Variants in SMARCE1 observed in about 807,000 individuals in gnomAD.
SMARCE1 encodes the protein SWI/SNF-related matrix-associated actin-dependent regulator of chromatin subfamily E member 1.
Under a neutral mutation model 54.9 loss-of-function variants are expected in SMARCE1, and 13 were observed. That is an observed-to-expected ratio of 0.24 (90% CI 0.15 to 0.38). The LOEUF is 0.38. SMARCE1 is among the 10% of genes least tolerant of loss of function. The pLI, the probability that SMARCE1 is intolerant of heterozygous loss-of-function variation, is 1.00. For synonymous variants in SMARCE1, 151 were observed against 175.3 expected, an observed-to-expected ratio of 0.86 and a Z score of 1.10; for missense variants, 295 against 523.8, an observed-to-expected ratio of 0.56 and a Z score of 4.26.
intron 4 of SMARCE1, among the ~76,000 whole-genome samples, chr17:40,637,920 C>T (rs1567847740): frequency 6.6e-6 from 1 of 152,094 alleles, no homozygotes; most frequent in Admixed American, 6.5e-5. Context: ...GCTCAATTAC[C>T]ATTACACATA....
intron 7 of SMARCE1, chr17:40,632,708 A>G (rs182964323): frequency 4.2e-4 from 89 of 210,330 alleles, no homozygotes; most frequent in Non-Finnish European, 6.9e-4. Flanking sequence ...ATTCTGCCCA[A>G]TGTTTCACTC....
In SMARCE1 at chr17:40,642,703, T is replaced by A; in HGVS notation, c.52-144A>T. On this transcript the variant is annotated intron_variant, in intron 3 of 10. Transcript: ENST00000348513. The surrounding 1 kb of genome is among the most constrained non-coding windows in gnomAD (Gnocchi z 4.6). ...TGATGTGTTGTAATTGTTCTTTTTT[T>A]CCACTGAGGAAATTAAATATTTTTC... 1 of 585,938 alleles carries A rather than the reference T, an allele frequency of 1.7e-6. No homozygotes were observed. The highest frequency in any genetic ancestry group is 3.0e-6 in the Non-Finnish European group (1 of 332,596). The allele number at this position is 585,938 out of a possible 1,614,324, so 36.3% of individuals were successfully genotyped here. A position where few individuals can be genotyped will look rare whatever the true frequency, so the allele number is the denominator to read the frequency against.
At chr17:40,640,376 A>G (rs1261952259) in intron 4 of SMARCE1, among the ~76,000 whole-genome samples, 1 of 152,208 alleles carries the variant, frequency 6.6e-6, no homozygotes, top group Non-Finnish European at 1.5e-5. Flanking sequence ...CATGCTATAC[A>G]AAGTATTTAC....
At chr17:40,646,374 T>C (rs955661195) in intron 1 of SMARCE1, among the ~76,000 whole-genome samples, 5 of 152,236 alleles carry the variant, frequency 3.3e-5, no homozygotes, top group Admixed American at 1.3e-4. Flanking sequence ...GCTTCATAAA[T>C]GCTGGGAATA....
At chr17:40,631,927 A>C (rs2037099145) in intron 8 of SMARCE1, 3 of 550,248 alleles carry the variant, frequency 5.5e-6, no homozygotes, top group Non-Finnish European at 9.6e-6. Flanking sequence ...GCATAGCAGT[A>C]AAGATTGATA....
chr17:40,629,907 G>T, intron 10 of SMARCE1: 1 of 350,582 alleles, frequency 2.9e-6, no homozygotes, highest in Non-Finnish European at 5.1e-6. Context: ...TAATCTGCTG[G>T]ATTAAATTTT....
Position 40,628,655 on chromosome 17 carries a change from G to T in SMARCE1, c.*130C>A. ...GCCATTAGGCTCATGATGCTAAATG[G>T]TCCAAAAGCCTTTGGTGGTGTGATA... On this transcript the variant is annotated 3_prime_UTR_variant, in exon 11 of 11. Transcript: ENST00000348513. 2 of 674,380 alleles carry T rather than the reference G, an allele frequency of 3.0e-6. No individual in the cohort carries two copies. The highest frequency in any genetic ancestry group is 2.5e-5 in the Admixed American group (1 of 39,714). 41.8% of individuals were successfully genotyped at this position (674,380 alleles called of 1,614,324 possible).
chr17:40,642,476 C>T lies in SMARCE1; in HGVS notation c.135G>A (p.Pro45=), dbSNP rs148373393. ...AYNNYRLGGN[P]GTNSRVTASS... ...CTACCGTGACCCGGCTGTTGGTGCC[C>T]GGGTTCCCTCCCAGCCTGTAGTTGT... is the stretch of plus-strand genomic sequence containing the variant. Residue 45 remains proline, a synonymous_variant, in exon 4 of 11, where the codon CCG becomes CCA. Coordinates refer to ENST00000348513, the MANE Select transcript of SMARCE1 (RefSeq NM_003079.5). This position sits in a 1 kb window ranked among gnomAD's most constrained non-coding sequence, Gnocchi z 4.6. 60 of 1,609,562 alleles carry T rather than the reference C, an allele frequency of 3.7e-5. No homozygotes were observed. Among genetic ancestry groups the T allele is most frequent in the South Asian group, 1.8e-4 (16 of 90,968 alleles).
rs902996972 is a variant in SMARCE1, at chr17:40,642,764, T to G, written c.52-205A>C. On this transcript the variant is annotated intron_variant, in intron 3 of 10. Coordinates refer to ENST00000348513, the MANE Select transcript of SMARCE1 (RefSeq NM_003079.5). The surrounding 1 kb of genome is among the most constrained non-coding windows in gnomAD (Gnocchi z 4.6). ...AAACCTGTCTGCAGTGTCTTTTGGT[T>G]GTTTTTCTCTTTCTTTTTTGCAGGG... is the stretch of plus-strand genomic sequence containing the variant. 5 of 541,636 alleles carry G rather than the reference T, an allele frequency of 9.2e-6. No individual in the cohort carries two copies. 33.6% of individuals were successfully genotyped at this position (541,636 alleles called of 1,614,324 possible). A position where few individuals can be genotyped will look rare whatever the true frequency, so the allele number is the denominator to read the frequency against.
chr17:40,637,535 G>T lies in SMARCE1; in HGVS notation c.194C>A (p.Pro65Gln), dbSNP rs1268952356. The T allele has an allele frequency of 6.2e-7, 1 of 1,613,532 alleles. No homozygotes were observed. The highest frequency in any genetic ancestry group is 8.5e-7 in the Non-Finnish European group (1 of 1,179,586). The change falls in exon 5 of 11, where the codon CCA (proline) becomes CAA (glutamine). Residue 65 changes from proline to glutamine, a missense_variant. Physicochemically the swap from Pro to Gln is moderately conservative, Grantham distance 76 (BLOSUM62 -1). Coordinates refer to ENST00000348513, the MANE Select transcript of SMARCE1 (RefSeq NM_003079.5). ...SGITIPKPPK[P>Q]PDKPLMPYMR... The stretch of plus-strand genomic sequence containing the variant: ...GTAGGGCATCAGCGGCTTATCTGGT[G>T]GCTTTGGGGGTTTTGGAATCGTGAT...
intron 4 of SMARCE1, among the ~76,000 whole-genome samples, chr17:40,639,205 TA>T (rs2037173832): frequency 6.6e-6 from 1 of 152,330 alleles, no homozygotes; most frequent in South Asian, 2.1e-4. Context: ...TATCAGGGTC[TA>T]TAGTTCTTTC....
chr17:40,634,895 G>T (rs756576274), intron 7 of SMARCE1: 1 of 152,086 alleles, frequency 6.6e-6, no homozygotes, highest in Non-Finnish European at 1.5e-5. Flanking sequence ...ATGCTAGTGT[G>T]TCTTTAGCAC....
chr17:40,640,112 T>C (rs1361625109), intron 4 of SMARCE1: 3 of 152,250 alleles, frequency 2.0e-5, no homozygotes, highest in Non-Finnish European at 4.4e-5. Context: ...GTGAAATTTA[T>C]CTTGGTTACT....
At position 40,633,977 on chromosome 17, in the gene SMARCE1, GTTC is replaced by G. The variant is rs1420404610; in HGVS notation, c.542-1613_542-1611del. 6 of 152,230 alleles carry G rather than the reference GTTC, an allele frequency of 3.9e-5. No individual in the cohort carries two copies. The East Asian group carries it at 7.7e-4, about 20-fold the overall frequency. The allele number at this position is 152,230 out of a possible 1,614,324, so 9.4% of individuals were successfully genotyped here. On this transcript the variant is annotated intron_variant, in intron 7 of 10. Transcript: ENST00000348513. Reference sequence around the variant, plus strand: ...CATAAGGTCTAAGCAATTTGGGCTTGTTCTTCTTTGCATGTTAGTCGTCTGCTT... The same window carrying G: ...CATAAGGTCTAAGCAATTTGGGCTTGTTCTTTGCATGTTAGTCGTCTGCTT...
At chr17:40,632,122 G>A (rs2037101235) in intron 8 of SMARCE1, 73 bp downstream of exon 8, 2 of 1,152,358 alleles carry the variant, frequency 1.7e-6, no homozygotes, top group Admixed American at 2.1e-5. Flanking sequence ...ATTTAGGCAT[G>A]GTGTAGGAAT....
At chr17:40,631,044 A>ATG (rs145383757) in intron 9 of SMARCE1, 120 bp from the exon 10 acceptor site, 494 of 721,636 alleles carry the variant, frequency 6.8e-4, no homozygotes, top group Admixed American at 7.9e-4. Flanking sequence ...ATACACCTGT[A>ATG]TGTGTGTGTG....
At chr17:40,631,196 T>C (rs964162960) in intron 9 of SMARCE1, 1 of 372,242 alleles carries the variant, frequency 2.7e-6, no homozygotes, top group African/African-American at 2.1e-5. Flanking sequence ...GGGGTATACA[T>C]AAGGCTTCCG....
rs1205865722 is a variant in SMARCE1 at position 40,628,931 on chromosome 17, G to A, written c.1090C>T (p.Pro364Ser). ...TCCTGCCCACTCTCCTTGTCCTCAG[G>A]AGTAGACGTGCCTTCTTCACCATTC... is the stretch of plus-strand genomic sequence containing the variant. ...QQNGEEGTST[P>S]EDKESGQEGV... Residue 364 changes from proline (P) to serine (S), a missense_variant, in exon 11 of 11, where the codon CCT becomes TCT. This residue lies in a region of SMARCE1 where 147 missense variants were observed against 161.4 expected (regional missense o/e 0.91). Coordinates refer to ENST00000348513, the MANE Select transcript of SMARCE1 (RefSeq NM_003079.5). The A allele has an allele frequency of 1.9e-6, 3 of 1,613,644 alleles. No homozygotes were observed. Among genetic ancestry groups the A allele is most frequent in the African/African-American group, 2.7e-5 (2 of 74,876 alleles).
Position 40,636,078 on chromosome 17 carries a change from C to T in SMARCE1, c.394G>A (p.Ala132Thr), listed in dbSNP as rs2037143424. ...AGGTACGCGGGGGAATTATGATAGG[C>T]CTTCATAGATTCATTGTACTCTATC... ...EKIEYNESMK[A>T]YHNSPAYLAY... Residue 132 changes from alanine (A) to threonine (T), a missense_variant, in exon 7 of 11, where the codon GCC (alanine) becomes ACC (threonine). Coordinates refer to ENST00000348513, the MANE Select transcript of SMARCE1 (RefSeq NM_003079.5). 1 of 1,606,332 alleles carries T rather than the reference C, an allele frequency of 6.2e-7. No individual in the cohort carries two copies. The highest frequency in any genetic ancestry group is 1.3e-5 in the African/African-American group (1 of 74,530).
Sources: gnomAD v4.1 joint callset for allele counts (sites outside exome capture counted in the v4.1 genomes callset) on GRCh38, gnomAD v4.1.1 for gene constraint, gnomAD v4.1.1 regional missense constraint, Gnocchi (gnomAD v3.1) non-coding constraint, MANE v1.5 for transcripts, NCBI Gene and HGNC (gene_info 2026-07-23, HGNC 2026-07-21) for gene names.